Variants in ENG observed in about 807,000 individuals in gnomAD.
ENG encodes CD105 antigen.
Under a neutral mutation model 71.0 loss-of-function variants are expected in ENG, and 17 were observed. The observed-to-expected ratio is 0.24, with a 90% CI of 0.16 to 0.36. ENG has a LOEUF of 0.36. ENG is among the 10% of genes least tolerant of loss of function. ENG has a pLI of 1.00. For synonymous variants in ENG, 360 were observed against 366.9 expected, an observed-to-expected ratio of 0.98 and a Z score of 0.21; for missense variants, 749 against 868.3, an observed-to-expected ratio of 0.86 and a Z score of 1.73.
At chr9:127,852,964 G>A (rs1308925918) in intron 1 of ENG, among the ~76,000 whole-genome samples, 3 of 152,160 alleles carry the variant, frequency 2.0e-5, no homozygotes, top group Non-Finnish European at 4.4e-5. Flanking sequence ...GGGAGATCTT[G>A]GAGCTCAGGT....
intron 2 of ENG, among the ~76,000 whole-genome samples, chr9:127,839,462 G>A (rs41372253): frequency 0.027 from 4,051 of 152,310 alleles, 192 homozygotes; most frequent in African/African-American, 0.092. Flanking sequence ...GAGACAAGAA[G>A]CAGCAGGAGG....
At chr9:127,839,993 T>C (rs918439664) in intron 2 of ENG, among the ~76,000 whole-genome samples, 2 of 152,128 alleles carry the variant, frequency 1.3e-5, no homozygotes, top group South Asian at 2.1e-4. Context: ...GAAATAATAA[T>C]AACAATAACC....
intron 1 of ENG, 129 bp from the exon 2 acceptor site, chr9:127,843,374 G>C (rs535335419): frequency 4.4e-4 from 520 of 1,187,424 alleles, no homozygotes; most frequent in Non-Finnish European, 5.1e-4. Flanking sequence ...GCCACCTTAT[G>C]AGGTGGATAT....
chr9:127,833,522 C>CAAAAA (rs57982372), intron 2 of ENG, among the ~76,000 whole-genome samples: 8 of 66,774 alleles, frequency 1.2e-4, no homozygotes, highest in Non-Finnish European at 1.4e-4. Flanking sequence ...AACTCCGCCT[C>CAAAAA]AAAAAAAAAA....
At chr9:127,823,784 C>T (rs542352981) in intron 8 of ENG, among the ~76,000 whole-genome samples, 7 of 146,898 alleles carry the variant, frequency 4.8e-5, no homozygotes, top group South Asian at 2.2e-4. Flanking sequence ...TGGGTTCAAG[C>T]GATTCTTGTT....
Position 127,854,476 on chromosome 9 carries a change from G to T in ENG, c.-121C>A. On this transcript the variant is annotated 5_prime_UTR_variant, in exon 1 of 15. Coordinates refer to ENST00000373203, the MANE Select transcript of ENG (RefSeq NM_001114753.3). ...CCCGAGGGGAGCAGGCGGCCGGAGC[G>T]ACGGCGTCCCTGCTCCAGCCTTCTG... 9.1e-7 allele frequency: 1 copy of T among 1,100,866 alleles called. No individual in the cohort carries two copies. Among genetic ancestry groups the T allele is most frequent in the Non-Finnish European group, 1.3e-6 (1 of 778,314 alleles). The allele number at this position is 1,100,866 out of a possible 1,614,324, so 68.2% of individuals were successfully genotyped here. A position where few individuals can be genotyped will look rare whatever the true frequency, so the allele number is the denominator to read the frequency against.
rs573071886 is a variant in ENG, at chr9:127,849,841, C to T, written c.67+4448G>A. Among the ~76,000 whole-genome samples the T allele has an allele frequency of 3.0e-3, 455 of 152,346 alleles. 6 individuals carry two copies. Among genetic ancestry groups the T allele is most frequent in the Non-Finnish European group, 2.5e-3 (169 of 68,022 alleles). The stretch of plus-strand genomic sequence containing the variant: ...AGTGTTACTTGGGTAAATTTCTTCA[C>T]CTGACTGAGTTATACGAGTACCTCA... On this transcript the variant is annotated intron_variant, in intron 1 of 14. Coordinates refer to ENST00000373203, the MANE Select transcript of ENG (RefSeq NM_001114753.3).
In ENG at chr9:127,846,330, A is replaced by C. The variant is rs1323875558; in HGVS notation, c.68-3085T>G. ...CTCAGATGGGGAGACTGAGGTCTGG[A>C]GGGACGGGACAGGTCAAAGTCTCAC... On this transcript the variant is annotated intron_variant, in intron 1 of 14. Coordinates refer to ENST00000373203, the MANE Select transcript of ENG (RefSeq NM_001114753.3). The surrounding 1 kb of genome is among the most constrained non-coding windows in gnomAD (Gnocchi z 5.5). Among the ~76,000 whole-genome samples, 2 of 152,128 alleles carry C rather than the reference A, an allele frequency of 1.3e-5. No individual in the cohort carries two copies. The highest frequency in any genetic ancestry group is 2.9e-5 in the Non-Finnish European group (2 of 68,014).
chr9:127,845,464 G>A (rs1396839665), intron 1 of ENG, among the ~76,000 whole-genome samples: 1 of 152,226 alleles, frequency 6.6e-6, no homozygotes, highest in East Asian at 1.9e-4. Context: ...TATCCTACAT[G>A]TCCCAGGGAC....
intron 1 of ENG, among the ~76,000 whole-genome samples, chr9:127,848,985 CT>C (rs1278290453): frequency 1.3e-5 from 2 of 152,180 alleles, no homozygotes; most frequent in Non-Finnish European, 2.9e-5. Context: ...ATCTGTTCCC[CT>C]GGTCACCTGC....
chr9:127,817,477 C>G (rs1398088534), intron 12 of ENG: 2 of 527,892 alleles, frequency 3.8e-6, no homozygotes, highest in Non-Finnish European at 6.9e-6. Context: ...ATCCCTCACC[C>G]TTGTGAACAC....
Position 127,815,711 on chromosome 9 carries a change from T to C in ENG, c.1948A>G (p.Thr650Ala). 6.4e-7 allele frequency: 1 copy of C among 1,561,406 alleles called. No individual in the cohort carries two copies. The highest frequency in any genetic ancestry group is 1.4e-5 in the African/African-American group (1 of 73,986). The change falls in exon 15 of 15, where the codon ACC (threonine) becomes GCC (alanine). Residue 650 changes from threonine to alanine, a missense_variant. Transcript: ENST00000373203. Reference sequence around the variant, plus strand: ...GCCATGCTGCTGGTGGAGCAGGGGGTGCTCTGGGTGCTCCCGATGCTGTGG... The same window carrying C: ...GCCATGCTGCTGGTGGAGCAGGGGGCGCTCTGGGTGCTCCCGATGCTGTGG... ...TNHSIGSTQSTPCSTSSMA is the reference protein window; with the variant it reads ...TNHSIGSTQSAPCSTSSMA
chr9:127,835,982 G>A (rs41387947), intron 2 of ENG, among the ~76,000 whole-genome samples: 2,745 of 152,228 alleles, frequency 0.018, 61 homozygotes, highest in African/African-American at 0.057. Flanking sequence ...GGAAACTCAG[G>A]GGGGCTGGAA....
intron 2 of ENG, among the ~76,000 whole-genome samples, chr9:127,833,176 T>A (rs939894225): frequency 3.3e-5 from 5 of 152,176 alleles, no homozygotes; most frequent in Non-Finnish European, 5.9e-5. Context: ...ATTGAAAGAA[T>A]GACCTCAAAG....
intron 1 of ENG, among the ~76,000 whole-genome samples, chr9:127,845,805 C>T (rs1831156728): frequency 6.6e-6 from 1 of 152,208 alleles, no homozygotes; most frequent in African/African-American, 2.4e-5. Flanking sequence ...CTGCTGGGTT[C>T]AAGCGATCCT....
intron 1 of ENG, among the ~76,000 whole-genome samples, chr9:127,852,878 G>A (rs1183890543): frequency 6.6e-6 from 1 of 152,054 alleles, no homozygotes; most frequent in East Asian, 1.9e-4. Context: ...TTAAAACCAG[G>A]CCCTAAATGT....
chr9:127,854,242 G>A lies in ENG; in HGVS notation c.67+47C>T, dbSNP rs371977255. 29 of 1,542,090 alleles carry A rather than the reference G, an allele frequency of 1.9e-5. No homozygotes were observed. In the African/African-American group the frequency reaches 2.2e-4, roughly 12 times the overall value. On this transcript the variant is annotated intron_variant, in intron 1 of 14. Transcript: ENST00000373203. ...GCCGGGAATACTTGGGGCCTGGTCC[G>A]TGCACCGGAGGCCGAGTCTCCCCAC...
At position 127,844,293 on chromosome 9, in the gene ENG, T is replaced by C. The variant is rs532670247; in HGVS notation, c.68-1048A>G. On this transcript the variant is annotated intron_variant, in intron 1 of 14. Transcript: ENST00000373203. ...GGCATGCACCACCATGCCTGGCTAA[T>C]TTTTTGTATTTTTAGTAAAGATGGG... 1.2e-4 allele frequency among the ~76,000 whole-genome samples: 18 copies of C among 151,562 alleles called. 1 individual carries two copies. In the South Asian group the frequency reaches 3.6e-3, roughly 30 times the overall value.
intron 3 of ENG, 43 bp from the exon 4 acceptor site, chr9:127,826,715 G>A: frequency 6.2e-7 from 1 of 1,610,156 alleles, no homozygotes; most frequent in Non-Finnish European, 8.5e-7. Flanking sequence ...TCCTGGCCCT[G>A]TGCCCTCTCT....
Sources: allele counts gnomAD v4.1 joint callset (sites outside exome capture counted in the v4.1 genomes callset), GRCh38; gene constraint gnomAD v4.1.1; non-coding constraint Gnocchi (gnomAD v3.1); transcripts MANE v1.5; gene names NCBI Gene and HGNC (gene_info 2026-07-23, HGNC 2026-07-21).